The following PFAS variants were observed in gnomAD, a reference collection of about 807,000 sequenced individuals.
PFAS encodes phosphoribosylformylglycinamidine synthase.
PFAS carries 97 observed loss-of-function variants against 140.6 expected under a neutral mutation model. The ratio of observed to expected loss-of-function variants is 0.69; its 90% confidence interval spans 0.59 to 0.82. PFAS has a LOEUF of 0.82. PFAS is among the 40% of genes least tolerant of loss of function. The pLI is 0.00. For synonymous variants in PFAS, 679 were observed against 718.8 expected (o/e 0.94, Z 0.88); for missense variants, 1,656 against 1,780.2 (o/e 0.93, Z 1.26).
rs536981032 is a variant in PFAS at position 8,257,918 on chromosome 17, T to A, written c.1187T>A (p.Phe396Tyr). The change falls in exon 10 of 28, where the codon TTT becomes TAT. Residue 396 changes from phenylalanine (F) to tyrosine (Y), a missense_variant. Physicochemically the swap from Phe to Tyr is conservative, Grantham distance 22. Coordinates refer to ENST00000314666, the MANE Select transcript of PFAS (RefSeq NM_012393.3). The stretch of plus-strand genomic sequence containing the variant: ...GGAGCTTCTGACTATGGCAACAAGT[T>A]TGGGGAACCAGTGCTGGCTGGTGAG... ...SNGASDYGNK[F>Y]GEPVLAGFAR... 3.1e-6 allele frequency: 5 copies of A among 1,614,136 alleles called. No homozygotes were observed. Among genetic ancestry groups the A allele is most frequent in the Non-Finnish European group, 4.2e-6 (5 of 1,180,020 alleles).
intron 1 of PFAS, among the ~76,000 whole-genome samples, chr17:8,253,058 C>T (rs1016680853): frequency 1.4e-4 from 21 of 152,272 alleles, no homozygotes; most frequent in Admixed American, 9.8e-4. Flanking sequence ...ATTAGGGTTT[C>T]AATATATGAA....
intron 1 of PFAS, among the ~76,000 whole-genome samples, chr17:8,250,983 T>A (rs1271067712): frequency 2.0e-5 from 3 of 151,962 alleles, no homozygotes; most frequent in Admixed American, 6.6e-5. Context: ...TTTTTTATTT[T>A]TTTTAATTTG....
intron 9 of PFAS, 150 bp downstream of exon 9, chr17:8,257,113 G>C: frequency 2.4e-6 from 2 of 840,424 alleles, no homozygotes; most frequent in Admixed American, 4.2e-5. Flanking sequence ...CACTAACTAT[G>C]GTCATAAGTG....
chr17:8,258,865 T>C (rs1286916525), intron 11 of PFAS, among the ~76,000 whole-genome samples: 1 of 151,708 alleles, frequency 6.6e-6, no homozygotes, highest in Non-Finnish European at 1.5e-5. Context: ...CGGGCACCTG[T>C]AGTCCCAGCT....
In PFAS at chr17:8,254,272, C is replaced by T. The variant is rs759555812; in HGVS notation, c.249C>T (p.Ser83=). The change falls in exon 3 of 28, where the codon TCC becomes TCT. Residue 83 remains serine, a synonymous_variant. Coordinates refer to ENST00000314666, the MANE Select transcript of PFAS (RefSeq NM_012393.3). ...VARESWLLPG[S]NDLLLEVGPR... Reference sequence around the variant, plus strand: ...GGGAGTCCTGGCTCCTTCCTGGCTCCAATGACCTGCTGCTGGAGGTCGGGC... The same window carrying T: ...GGGAGTCCTGGCTCCTTCCTGGCTCTAATGACCTGCTGCTGGAGGTCGGGC... 1 of 1,614,108 alleles carries T rather than the reference C, an allele frequency of 6.2e-7. No homozygotes were observed. The highest frequency in any genetic ancestry group is 8.5e-7 in the Non-Finnish European group (1 of 1,180,004).
At chr17:8,257,539 G>C (rs1006346836) in intron 9 of PFAS, among the ~76,000 whole-genome samples, 2 of 152,088 alleles carry the variant, frequency 1.3e-5, no homozygotes, top group East Asian at 1.9e-4. Context: ...CTGGGTGATA[G>C]AGCGAGACTC....
In PFAS at chr17:8,266,723, T is replaced by TC. The variant is rs1438252400; in HGVS notation, c.2822-25dup. 1.3e-6 allele frequency: 2 copies of TC among 1,571,310 alleles called. No homozygotes were observed. The highest frequency in any genetic ancestry group is 1.4e-5 in the African/African-American group (1 of 73,702). ...CCCAACTCCCTTGGCCCTTCTTGCA[T>TC]CCCCCTGACTCCCCACATTGCTCTC... On this transcript the variant is annotated intron_variant, in intron 22 of 27. Transcript: ENST00000314666. This position sits in a 1 kb window ranked among gnomAD's most constrained non-coding sequence, Gnocchi z 5.0.
Position 8,268,034 on chromosome 17 carries a change from A to G in PFAS, c.3382+369A>G, listed in dbSNP as rs1567647201. Among the ~76,000 whole-genome samples the G allele has an allele frequency of 2.8e-5, 3 of 108,148 alleles. No homozygotes were observed. In the East Asian group the frequency reaches 7.4e-4, roughly 27 times the overall value. The allele number at this position is 108,148 out of a possible 152,430, so 70.9% of individuals were successfully genotyped here. On this transcript the variant is annotated intron_variant, in intron 26 of 27. Coordinates refer to ENST00000314666, the MANE Select transcript of PFAS (RefSeq NM_012393.3). The stretch of plus-strand genomic sequence containing the variant: ...TATATATTATTTATATATTATTAAA[A>G]TATGTATATTTTTAAATATATATAT...
chr17:8,248,986 T>C (rs1027371577), upstream of PFAS, among the ~76,000 whole-genome samples: 2 of 152,186 alleles, frequency 1.3e-5, no homozygotes, highest in Non-Finnish European at 2.9e-5. Flanking sequence ...TCAGTCTCCC[T>C]GATCTTGCCA....
Position 8,256,870 on chromosome 17 carries a change from G to T in PFAS, c.982G>T (p.Gly328Trp), listed in dbSNP as rs1333695276. 2 of 1,612,802 alleles carry T rather than the reference G, an allele frequency of 1.2e-6. No individual in the cohort carries two copies. Among genetic ancestry groups the T allele is most frequent in the Admixed American group, 3.3e-5 (2 of 59,920 alleles). The change falls in exon 9 of 28, where the codon GGG (glycine) becomes TGG (tryptophan). Residue 328 changes from glycine (G) to tryptophan (W), a missense_variant. Transcript: ENST00000314666. ...CPFSGATTGT[G>W]GRIRDVQCTG... ...CTTTAGTGGTGCAACCACTGGCACA[G>T]GGGGCCGGATTCGAGATGTCCAGTG...
chr17:8,267,430 G>A lies in PFAS; in HGVS notation c.3234G>A (p.Glu1078=). ...AGGAGGGCAGTAATGGAGACCGGGA[G>A]ATGGCCGATGCCTTCCACTTAGCTG... ...LREEGSNGDR[E]MADAFHLAGF... is the part of the protein sequence containing the mutation. Residue 1078 remains glutamate (E), a synonymous_variant, in exon 25 of 28, where the codon GAG becomes GAA. Coordinates refer to ENST00000314666, the MANE Select transcript of PFAS (RefSeq NM_012393.3). The surrounding 1 kb of genome is among the most constrained non-coding windows in gnomAD (Gnocchi z 4.9). 2.5e-6 allele frequency: 4 copies of A among 1,614,172 alleles called. No homozygotes were observed. Among genetic ancestry groups the A allele is most frequent in the Non-Finnish European group, 2.5e-6 (3 of 1,180,008 alleles).
intron 9 of PFAS, among the ~76,000 whole-genome samples, chr17:8,257,549 C>T (rs1461218962): frequency 6.6e-6 from 1 of 151,672 alleles, no homozygotes; most frequent in Non-Finnish European, 1.5e-5. Flanking sequence ...GAGCGAGACT[C>T]CATCTCAAAA....
intron 9 of PFAS, among the ~76,000 whole-genome samples, chr17:8,257,592 C>T (rs766012037): frequency 4.6e-5 from 7 of 151,856 alleles, no homozygotes; most frequent in Middle Eastern, 3.4e-3. Context: ...ACTCTGATTG[C>T]GAGATTCAGA....
chr17:8,247,711 G>C, upstream of PFAS: 1 of 400,038 alleles, frequency 2.5e-6, no homozygotes, highest in Non-Finnish European at 4.6e-6. Context: ...GTCTTCTCCA[G>C]GAACCCACAG....
intron 19 of PFAS, 38 bp downstream of exon 19, chr17:8,265,506 A>G (rs774307411): frequency 1.2e-6 from 2 of 1,613,140 alleles, no homozygotes; most frequent in South Asian, 1.1e-5. Flanking sequence ...AGGAGGAACT[A>G]TGGAGCTGGG....
intron 26 of PFAS, 126 bp from the exon 27 acceptor site, chr17:8,268,407 A>G (rs1376685091): frequency 4.6e-6 from 3 of 647,530 alleles, no homozygotes. Flanking sequence ...GAAAGGAAGG[A>G]AGGAGGGAGG....
chr17:8,263,691 G>A (rs901380034), intron 14 of PFAS, 55 bp downstream of exon 14: 22 of 1,602,056 alleles, frequency 1.4e-5, no homozygotes, highest in Admixed American at 3.3e-5. Flanking sequence ...GCCCCAGCCC[G>A]CTTCCACCCA....
At chr17:8,257,160 C>G (rs574801621) in intron 9 of PFAS, among the ~76,000 whole-genome samples, 197 bp downstream of exon 9, 1 of 152,210 alleles carries the variant, frequency 6.6e-6, no homozygotes, top group Admixed American at 6.5e-5. Flanking sequence ...ACTGCTTTTG[C>G]AGGTCTACGA....
chr17:8,248,565 C>T (rs1241524487), upstream of PFAS, among the ~76,000 whole-genome samples: 1 of 148,544 alleles, frequency 6.7e-6, no homozygotes, highest in Admixed American at 6.7e-5. Flanking sequence ...CTGGCCCTCT[C>T]TGATTTTTTT....
Sources: allele counts gnomAD v4.1 joint callset (sites outside exome capture counted in the v4.1 genomes callset), GRCh38; gene constraint gnomAD v4.1.1; non-coding constraint Gnocchi (gnomAD v3.1); transcripts MANE v1.5; gene names NCBI Gene and HGNC (gene_info 2026-07-23, HGNC 2026-07-21).